Variants in BTN3A2 observed in about 807,000 individuals in gnomAD.
BTN3A2 encodes butyrophilin subfamily 3 member A2.
A neutral mutation model predicts 37.6 loss-of-function variants in BTN3A2; 25 were observed. The observed-to-expected ratio is 0.66, with a 90% CI of 0.48 to 0.93. The LOEUF is 0.93. Ranked by LOEUF, BTN3A2 falls within the 40% of genes least tolerant of loss-of-function variation. BTN3A2 has a pLI of 0.00. For synonymous variants in BTN3A2, 122 were observed against 159.4 expected (o/e 0.77, Z 1.77); for missense variants, 266 against 410.9 (o/e 0.65, Z 3.05).
In BTN3A2 at chr6:26,378,139, A is replaced by G. The variant is rs569378878; in HGVS notation, c.*2377A>G. 3.9e-5 allele frequency: 6 copies of G among 151,960 alleles called. No homozygotes were observed. The highest frequency in any genetic ancestry group is 8.8e-5 in the Non-Finnish European group (6 of 67,950). 9.4% of individuals were successfully genotyped at this position (151,960 alleles called of 1,614,324 possible). A position where few individuals can be genotyped will look rare whatever the true frequency, so the allele number is the denominator to read the frequency against. On this transcript the variant is annotated 3_prime_UTR_variant, in exon 11 of 11. Coordinates refer to ENST00000377708, the MANE Select transcript of BTN3A2 (RefSeq NM_007047.5). ...TATGGACTCAGTCTCCTGGAAAAGG[A>G]TCTGTCCACTCCTGGTCATTGGTGG...
chr6:26,365,366 A>G lies in BTN3A2; in HGVS notation c.-67+14A>G. 1 of 1,536,164 alleles carries G rather than the reference A, an allele frequency of 6.5e-7. No homozygotes were observed. The highest frequency in any genetic ancestry group is 8.7e-7 in the Non-Finnish European group (1 of 1,146,846). On this transcript the variant is annotated intron_variant, in intron 1 of 10. Coordinates refer to ENST00000377708, the MANE Select transcript of BTN3A2 (RefSeq NM_007047.5). Reference sequence around the variant, plus strand: ...GAATACCAAGGGGTAAGTGCAGGAAATTGATTAGAGCCTGGGCTACAACGC... The same window carrying G: ...GAATACCAAGGGGTAAGTGCAGGAAGTTGATTAGAGCCTGGGCTACAACGC...
At chr6:26,370,275 C>T in intron 4 of BTN3A2, 47 bp from the exon 5 acceptor site, 9 of 1,594,094 alleles carry the variant, frequency 5.6e-6, no homozygotes, top group Non-Finnish European at 7.7e-6. Flanking sequence ...GAGACCCTCC[C>T]TAATACAGGA....
intron 4 of BTN3A2, 135 bp from the exon 5 acceptor site, chr6:26,370,187 T>G: frequency 8.2e-7 from 1 of 1,226,808 alleles, no homozygotes; most frequent in African/African-American, 1.5e-5. Context: ...CCCCTCATCA[T>G]GACCACACTT....
Position 26,375,954 on chromosome 6 carries a change from C to A in BTN3A2, c.*192C>A. ...CAGCACAGCAGCTCATGCCTGTAAT[C>A]CTAGCACTTTGGAAGGCTGAGGAGG... On this transcript the variant is annotated 3_prime_UTR_variant, in exon 11 of 11. Transcript: ENST00000377708. The A allele has an allele frequency of 8.0e-7, 1 of 1,254,092 alleles. No homozygotes were observed. The highest frequency in any genetic ancestry group is 1.1e-6 in the Non-Finnish European group (1 of 900,048). 77.7% of individuals were successfully genotyped at this position (1,254,092 alleles called of 1,614,324 possible). A position where few individuals can be genotyped will look rare whatever the true frequency, so the allele number is the denominator to read the frequency against.
chr6:26,371,650 A>G (rs1581554511), intron 5 of BTN3A2, among the ~76,000 whole-genome samples: 1 of 151,982 alleles, frequency 6.6e-6, no homozygotes, highest in African/African-American at 2.4e-5. Context: ...GAGATGATCC[A>G]TGTGAAAGGT....
At chr6:26,372,743 A>G in intron 5 of BTN3A2, 154 bp from the exon 6 acceptor site, 1 of 836,710 alleles carries the variant, frequency 1.2e-6, no homozygotes, top group African/African-American at 1.7e-5. Flanking sequence ...TCTTATCTAT[A>G]GTCCTCTGAG....
chr6:26,375,960 A>G lies in BTN3A2; in HGVS notation c.*198A>G. ...AGCAGCTCATGCCTGTAATCCTAGCACTTTGGAAGGCTGAGGAGGGCGGAT... is the reference window on the plus strand; with the variant it reads ...AGCAGCTCATGCCTGTAATCCTAGCGCTTTGGAAGGCTGAGGAGGGCGGAT... On this transcript the variant is annotated 3_prime_UTR_variant, in exon 11 of 11. Transcript: ENST00000377708. The G allele has an allele frequency of 8.3e-7, 1 of 1,200,192 alleles. No individual in the cohort carries two copies. The highest frequency in any genetic ancestry group is 2.3e-5 in the Admixed American group (1 of 43,154). 74.3% of individuals were successfully genotyped at this position (1,200,192 alleles called of 1,614,324 possible).
rs9379861 is a variant in BTN3A2, at chr6:26,370,388, G to A, written c.500G>A (p.Arg167Lys). 6.2e-7 allele frequency: 1 copy of A among 1,614,134 alleles called. No homozygotes were observed. Among genetic ancestry groups the A allele is most frequent in the Non-Finnish European group, 8.5e-7 (1 of 1,180,004 alleles). Residue 167 changes from arginine (R) to lysine (K), a missense_variant, in exon 5 of 11, where the codon AGG (arginine) becomes AAG (lysine). By Grantham distance (26) the Arg-to-Lys change is conservative (BLOSUM62 2). Coordinates refer to ENST00000377708, the MANE Select transcript of BTN3A2 (RefSeq NM_007047.5). ...GATGGAGGGATCCATCTGGAGTGCA[G>A]GTCCACCGGCTGGTACCCCCAACCC... ...YEDGGIHLECRSTGWYPQPQI... is the reference protein window; with the variant it reads ...YEDGGIHLECKSTGWYPQPQI...
chr6:26,372,264 AT>A (rs1234162946), intron 5 of BTN3A2, among the ~76,000 whole-genome samples: 1 of 152,234 alleles, frequency 6.6e-6, no homozygotes. Context: ...GTTAGTTTAC[AT>A]TTTTAAACTT....
intron 1 of BTN3A2, 68 bp downstream of exon 1, chr6:26,365,420 A>G: frequency 6.6e-7 from 1 of 1,511,772 alleles, no homozygotes; most frequent in Non-Finnish European, 8.9e-7. Context: ...AATCGCTGAG[A>G]GTGGTGAGTG....
At chr6:26,365,886 GACAA>G (rs1404086491) in intron 1 of BTN3A2, among the ~76,000 whole-genome samples, 1 of 152,116 alleles carries the variant, frequency 6.6e-6, no homozygotes, top group East Asian at 1.9e-4. Flanking sequence ...GTGGGGAATA[GACAA>G]ACAATGCATG....
At chr6:26,375,389 A>C in intron 10 of BTN3A2, 1 of 419,042 alleles carries the variant, frequency 2.4e-6, no homozygotes. Context: ...AGGTAGCTTA[A>C]CGAGGGAGCT....
In BTN3A2 at chr6:26,373,416, G is replaced by A; in HGVS notation, c.964+3G>A. The A allele has an allele frequency of 6.2e-7, 1 of 1,600,020 alleles. No individual in the cohort carries two copies. The highest frequency in any genetic ancestry group is 1.4e-5 in the African/African-American group (1 of 73,800). ...GAAAAAAATCCAGTACTTGACTCGT[G>A]AGTGGCTTTGACATTTTCTCTGAAT... On this transcript the variant is annotated splice_donor_region_variant and intron_variant, in intron 8 of 10. Transcript: ENST00000377708.
At position 26,373,375 on chromosome 6, in the gene BTN3A2, A is replaced by T; in HGVS notation, c.938-12A>T. On this transcript the variant is annotated splice_polypyrimidine_tract_variant and intron_variant, in intron 7 of 10. Transcript: ENST00000377708. ...GCACCTTGATGACTCTTCCCTGTTC[A>T]TTCCATTGCAGAGAGGAAAAAAATC... 2 of 1,595,420 alleles carry T rather than the reference A, an allele frequency of 1.3e-6. No homozygotes were observed. The highest frequency in any genetic ancestry group is 1.4e-5 in the African/African-American group (1 of 72,302).
chr6:26,375,385 C>A, intron 10 of BTN3A2: 1 of 412,466 alleles, frequency 2.4e-6, no homozygotes, highest in Admixed American at 4.1e-5. Context: ...AAAGAGGTAG[C>A]TTAACGAGGG....
rs115643731 is a variant in BTN3A2 at position 26,376,626 on chromosome 6, G to A, written c.*864G>A. ...AAATGCCATCCTCCTTGTTTCTGAG[G>A]ACCAGAGGAGTGTACAGCGTGCTGA... is the stretch of plus-strand genomic sequence containing the variant. On this transcript the variant is annotated 3_prime_UTR_variant, in exon 11 of 11. Coordinates refer to ENST00000377708, the MANE Select transcript of BTN3A2 (RefSeq NM_007047.5). 2.2e-3 allele frequency: 3,260 copies of A among 1,459,696 alleles called. 41 individuals carry two copies. The African/African-American group carries it at 0.028, about 13-fold the overall frequency. 90.4% of individuals were successfully genotyped at this position (1,459,696 alleles called of 1,614,324 possible).
intron 5 of BTN3A2, chr6:26,372,682 G>A: frequency 1.8e-6 from 1 of 547,192 alleles, no homozygotes; most frequent in South Asian, 2.8e-5. Context: ...GTGAGAGGCA[G>A]ACATCTCAAG....
chr6:26,378,075 A>G lies in BTN3A2; in HGVS notation c.*2313A>G, dbSNP rs1760808484. ...TCTGTAATATTGGTAATTTGGATGAAGGAAGCTAGAAGAATTACAGGGATG... is the reference window on the plus strand; with the variant it reads ...TCTGTAATATTGGTAATTTGGATGAGGGAAGCTAGAAGAATTACAGGGATG... On this transcript the variant is annotated 3_prime_UTR_variant, in exon 11 of 11. Transcript: ENST00000377708. 6.6e-6 allele frequency: 1 copy of G among 152,216 alleles called. No individual in the cohort carries two copies. The highest frequency in any genetic ancestry group is 1.5e-5 in the Non-Finnish European group (1 of 68,046). The allele number at this position is 152,216 out of a possible 1,614,324, so 9.4% of individuals were successfully genotyped here. A position where few individuals can be genotyped will look rare whatever the true frequency, so the allele number is the denominator to read the frequency against.
chr6:26,366,559 G>A (rs1196017188), intron 1 of BTN3A2, among the ~76,000 whole-genome samples: 2 of 152,206 alleles, frequency 1.3e-5, no homozygotes, highest in East Asian at 3.8e-4. Context: ...TCTGAGGACA[G>A]CAGAGAAATT....
Sources: allele counts gnomAD v4.1 joint callset (sites outside exome capture counted in the v4.1 genomes callset), GRCh38; gene constraint gnomAD v4.1.1; transcripts MANE v1.5; gene names NCBI Gene and HGNC (gene_info 2026-07-23, HGNC 2026-07-21).